ZCCHC24: variants seen among roughly 807,000 people sequenced by gnomAD.
ZCCHC24 encodes zinc finger CCHC-type containing 24, also known as zinc finger CCHC domain-containing protein 24.
Under a neutral mutation model 26.2 loss-of-function variants are expected in ZCCHC24, and 10 were observed. The ratio of observed to expected loss-of-function variants is 0.38; its 90% CI spans 0.24 to 0.65. The LOEUF (loss-of-function observed/expected upper bound fraction) is 0.65. Ranked by LOEUF, ZCCHC24 falls within the 30% of genes least tolerant of loss-of-function variation. The pLI is 0.54. For synonymous variants in ZCCHC24, 144 were observed against 147.1 expected, an observed-to-expected ratio of 0.98 and a Z score of 0.15; for missense variants, 243 against 329.1, an observed-to-expected ratio of 0.74 and a Z score of 2.03.
chr10:79,411,986 C>T (rs1049014525), intron 2 of ZCCHC24, among the ~76,000 whole-genome samples: 53 of 152,324 alleles, frequency 3.5e-4, no homozygotes, highest in African/African-American at 1.2e-3. Context: ...TTCCCTGGCT[C>T]CCAGAAGCCC....
intron 1 of ZCCHC24, among the ~76,000 whole-genome samples, chr10:79,434,220 A>G (rs1857184186): frequency 6.6e-6 from 1 of 152,220 alleles, no homozygotes; most frequent in African/African-American, 2.4e-5. Flanking sequence ...ACAGTCACCT[A>G]TAGTGACTGG....
At chr10:79,443,484 C>G (rs1857315999) in intron 1 of ZCCHC24, among the ~76,000 whole-genome samples, 1 of 152,142 alleles carries the variant, frequency 6.6e-6, no homozygotes, top group Admixed American at 6.5e-5. Context: ...GGGTGAGAAA[C>G]TCCCGTGGGG....
At chr10:79,390,350 C>A (rs1856462814) in intron 3 of ZCCHC24, among the ~76,000 whole-genome samples, 1 of 152,146 alleles carries the variant, frequency 6.6e-6, no homozygotes, top group Non-Finnish European at 1.5e-5. Context: ...GTAAATTAGT[C>A]TATGCAAAGG....
intron 1 of ZCCHC24, among the ~76,000 whole-genome samples, chr10:79,442,823 A>G (rs1381810326): frequency 3.9e-5 from 6 of 152,154 alleles, no homozygotes; most frequent in Admixed American, 2.0e-4. Context: ...GGGCGCAGGA[A>G]AGGCCTGTCC....
At position 79,445,385 on chromosome 10, in the gene ZCCHC24, T is replaced by C; in HGVS notation, c.56A>G (p.Gln19Arg). 1 of 1,521,480 alleles carries C rather than the reference T, an allele frequency of 6.6e-7. No individual in the cohort carries two copies. Among genetic ancestry groups the C allele is most frequent in the Non-Finnish European group, 8.8e-7 (1 of 1,135,528 alleles). 94.2% of individuals were successfully genotyped at this position (1,521,480 alleles called of 1,614,324 possible). ...CGACAGGTAGACCCAGTTGAGCAGC[T>C]GGGCGGGCTGGTACACCGAGGCGGC... ...TSAASVYQPAQLLNWVYLSLQ... is the reference protein window; with the variant it reads ...TSAASVYQPARLLNWVYLSLQ... Residue 19 changes from glutamine to arginine, a missense_variant, in exon 1 of 4, where the codon CAG (glutamine) becomes CGG (arginine). By Grantham distance (43) the Gln-to-Arg change is conservative (BLOSUM62 1). Transcript: ENST00000372336.
intron 2 of ZCCHC24, among the ~76,000 whole-genome samples, chr10:79,401,741 C>T (rs899628272): frequency 4.6e-5 from 7 of 152,240 alleles, no homozygotes; most frequent in Non-Finnish European, 8.8e-5. Context: ...TGCCTGGCAG[C>T]CCACTCACGC....
At chr10:79,407,564 G>A (rs1001911969) in intron 2 of ZCCHC24, among the ~76,000 whole-genome samples, 3 of 152,144 alleles carry the variant, frequency 2.0e-5, no homozygotes, top group South Asian at 2.1e-4. Flanking sequence ...ATGCCTGGGC[G>A]GTGCAGCTGC....
intron 2 of ZCCHC24, among the ~76,000 whole-genome samples, chr10:79,407,385 T>C (rs190417893): frequency 1.4e-4 from 22 of 152,338 alleles, no homozygotes; most frequent in African/African-American, 5.3e-4. Context: ...GCTGTGCTCG[T>C]CTTTCTGATT....
At chr10:79,402,554 C>T (rs1213460554) in intron 2 of ZCCHC24, among the ~76,000 whole-genome samples, 1 of 152,250 alleles carries the variant, frequency 6.6e-6, no homozygotes, top group Non-Finnish European at 1.5e-5. Flanking sequence ...GGATTATAGG[C>T]GTGAGCCACT....
At chr10:79,403,890 G>T (rs3997788) in intron 2 of ZCCHC24, among the ~76,000 whole-genome samples, 5 of 152,018 alleles carry the variant, frequency 3.3e-5, no homozygotes, top group Non-Finnish European at 5.9e-5. Flanking sequence ...TGGAGTGGGG[G>T]TGTGGAGAGG....
intron 1 of ZCCHC24, among the ~76,000 whole-genome samples, chr10:79,434,139 C>A (rs1857182830): frequency 6.6e-6 from 1 of 152,230 alleles, no homozygotes; most frequent in Non-Finnish European, 1.5e-5. Context: ...GTCTCGTGTG[C>A]ATCTGGATCA....
chr10:79,424,498 C>T (rs1856999481), intron 2 of ZCCHC24, among the ~76,000 whole-genome samples: 1 of 152,208 alleles, frequency 6.6e-6, no homozygotes, highest in Non-Finnish European at 1.5e-5. Context: ...TTTTCCATTC[C>T]AGAATCCATT....
At chr10:79,394,466 G>C in intron 2 of ZCCHC24, 26 bp from the exon 3 acceptor site, 1 of 1,607,108 alleles carries the variant, frequency 6.2e-7, no homozygotes, top group Non-Finnish European at 8.5e-7. Flanking sequence ...CAAACACAGG[G>C]GATTGGAGTC....
chr10:79,385,567 A>G lies in ZCCHC24; in HGVS notation c.*778T>C, dbSNP rs1856377591. 6.6e-6 allele frequency: 1 copy of G among 152,282 alleles called. No homozygotes were observed. Among genetic ancestry groups the G allele is most frequent in the Non-Finnish European group, 1.5e-5 (1 of 68,102 alleles). 9.4% of individuals were successfully genotyped at this position (152,282 alleles called of 1,614,324 possible). ...CAGCTATCTTGATGTGGACCCCCAG[A>G]GTGGGTGGGAGGCAGAGGGGAAGGA... On this transcript the variant is annotated 3_prime_UTR_variant, in exon 4 of 4. Transcript: ENST00000372336. The surrounding 1 kb of genome is among the most constrained non-coding windows in gnomAD (Gnocchi z 4.3).
intron 2 of ZCCHC24, among the ~76,000 whole-genome samples, chr10:79,429,072 T>C (rs1857090177): frequency 1.3e-5 from 2 of 152,258 alleles, no homozygotes; most frequent in Non-Finnish European, 2.9e-5. Context: ...TTACTGCTGA[T>C]ACTTTACAAA....
intron 3 of ZCCHC24, among the ~76,000 whole-genome samples, chr10:79,389,502 G>A (rs200161986): frequency 1.3e-5 from 2 of 148,992 alleles, no homozygotes; most frequent in Non-Finnish European, 3.0e-5. Flanking sequence ...TGGGTGAGAG[G>A]TTAATAACAT....
chr10:79,430,385 G>A (rs886560437), intron 2 of ZCCHC24, among the ~76,000 whole-genome samples: 1 of 151,912 alleles, frequency 6.6e-6, no homozygotes, highest in Non-Finnish European at 1.5e-5. Flanking sequence ...GACCATGCAG[G>A]TCTTAGCTTG....
rs376928828 is a variant in ZCCHC24 at position 79,409,431 on chromosome 10, C to A, written c.448-14991G>T. On this transcript the variant is annotated intron_variant, in intron 2 of 3. Coordinates refer to ENST00000372336, the MANE Select transcript of ZCCHC24 (RefSeq NM_153367.4). ...GGAAGCACTTAGGATACACCCCTCT[C>A]AGCTCATGTGTCTGTCACCTCCTTC... Among the ~76,000 whole-genome samples the A allele has an allele frequency of 6.3e-4, 96 of 152,312 alleles. 1 individual carries two copies. The highest frequency in any genetic ancestry group is 2.2e-3 in the African/African-American group (93 of 41,582).
intron 2 of ZCCHC24, among the ~76,000 whole-genome samples, chr10:79,413,793 A>T (rs1856826263): frequency 6.6e-6 from 1 of 151,938 alleles, no homozygotes; most frequent in Non-Finnish European, 1.5e-5. Context: ...AGAGAGAGAG[A>T]GAGAGAGAGA....
Sources: allele counts gnomAD v4.1 joint callset (sites outside exome capture counted in the v4.1 genomes callset), GRCh38; gene constraint gnomAD v4.1.1; non-coding constraint Gnocchi (gnomAD v3.1); transcripts MANE v1.5; gene names NCBI Gene and HGNC (gene_info 2026-07-23, HGNC 2026-07-21).